RAD51B: variants seen among roughly 807,000 people sequenced by gnomAD.
The protein encoded by RAD51B is DNA repair protein RAD51 homolog 2.
A neutral mutation model predicts 42.2 loss-of-function variants in RAD51B; 38 were observed. The ratio of observed to expected loss-of-function variants is 0.90; its 90% CI spans 0.70 to 1.18. The LOEUF (loss-of-function observed/expected upper bound fraction) is 1.18, where lower values mean the gene tolerates loss of function less well. Among genes scored for constraint, RAD51B ranks in the 50% most tolerant of loss-of-function variants. The pLI is 0.00. For synonymous variants in RAD51B, 154 were observed against 145.2 expected, an observed-to-expected ratio of 1.06 and a Z score of -0.43; for missense variants, 373 against 400.7, an observed-to-expected ratio of 0.93 and a Z score of 0.59.
intron 10 of RAD51B, among the ~76,000 whole-genome samples, chr14:68,506,248 C>A (rs1219306006): frequency 1.3e-5 from 2 of 152,232 alleles, no homozygotes; most frequent in Non-Finnish European, 2.9e-5. Context: ...ATAAAGAAAT[C>A]TCTGAACAAT....
chr14:67,891,105 A>C (rs563109756), intron 7 of RAD51B, among the ~76,000 whole-genome samples: 1 of 152,220 alleles, frequency 6.6e-6, no homozygotes, highest in South Asian at 2.1e-4. Context: ...TATGAATAAT[A>C]TTGAACTTTT....
rs540771609 is a variant in RAD51B, at chr14:68,199,387, C to G, written c.757-92497C>G. On this transcript the variant is annotated intron_variant, in intron 7 of 10. Transcript: ENST00000471583. ...CCCCTAGATCTTTTTCACATGAACT[C>G]TTATTCAGACTGCTCATTCTTTCAT... Among the ~76,000 whole-genome samples, 3 of 152,332 alleles carry G rather than the reference C, an allele frequency of 2.0e-5. No individual in the cohort carries two copies. In the South Asian group the frequency reaches 6.2e-4, roughly 32 times the overall value.
chr14:67,967,130 C>T (rs1240398161), intron 7 of RAD51B, among the ~76,000 whole-genome samples: 1 of 152,158 alleles, frequency 6.6e-6, no homozygotes, highest in African/African-American at 2.4e-5. Context: ...GTGGAAACCC[C>T]TGATAAAACC....
chr14:68,334,714 A>G (rs751176671), intron 8 of RAD51B, among the ~76,000 whole-genome samples: 67 of 152,054 alleles, frequency 4.4e-4, no homozygotes, highest in Non-Finnish European at 6.8e-4. Context: ...TGCTTCCATA[A>G]CATGGTAGCA....
intron 10 of RAD51B, among the ~76,000 whole-genome samples, chr14:68,518,269 A>G (rs1886300273): frequency 6.6e-6 from 1 of 152,184 alleles, no homozygotes; most frequent in Non-Finnish European, 1.5e-5. Flanking sequence ...CTAGGCTTAC[A>G]CATCCTCTCA....
downstream of RAD51B, among the ~76,000 whole-genome samples, chr14:68,596,254 G>A (rs1056063576): frequency 6.6e-5 from 10 of 151,962 alleles, no homozygotes; most frequent in South Asian, 8.3e-4. Context: ...GGAATTAATC[G>A]TACCCAAACT....
intron 4 of RAD51B, among the ~76,000 whole-genome samples, chr14:67,855,091 G>A (rs562067280): frequency 3.0e-4 from 46 of 152,120 alleles, no homozygotes; most frequent in Non-Finnish European, 6.2e-4. Flanking sequence ...GTAGAGATGG[G>A]GTTTCACCAT....
In RAD51B at chr14:68,423,587, A is replaced by G. The variant is rs142319081; in HGVS notation, c.957+12060A>G. On this transcript the variant is annotated intron_variant, in intron 9 of 10. Coordinates refer to ENST00000471583, the MANE Select transcript of RAD51B (RefSeq NM_133510.4). ...CTTTTCCTTTGCCTCTCCCTCCCCC[A>G]TCACATACATACACTCCCTCTTTTA... 8.5e-5 allele frequency among the ~76,000 whole-genome samples: 13 copies of G among 152,298 alleles called. No homozygotes were observed. In the East Asian group the frequency reaches 2.3e-3, roughly 27 times the overall value.
At chr14:68,229,379 A>G (rs1045873537) in intron 7 of RAD51B, among the ~76,000 whole-genome samples, 7 of 152,178 alleles carry the variant, frequency 4.6e-5, no homozygotes, top group Non-Finnish European at 8.8e-5. Flanking sequence ...TCTTTCCTAG[A>G]GGGCCCTTTG....
intron 8 of RAD51B, among the ~76,000 whole-genome samples, chr14:68,385,143 G>C (rs1186649385): frequency 3.3e-5 from 5 of 152,042 alleles, no homozygotes; most frequent in African/African-American, 1.2e-4. Flanking sequence ...CTTGGTCCAG[G>C]TCTCGGGGGA....
downstream of RAD51B, among the ~76,000 whole-genome samples, chr14:68,613,274 C>T (rs956438190): frequency 6.6e-6 from 1 of 151,982 alleles, no homozygotes; most frequent in Non-Finnish European, 1.5e-5. Context: ...AACAATTAGC[C>T]AGGCATGGTG....
chr14:68,586,740 C>T (rs1231926977), intron 10 of RAD51B, among the ~76,000 whole-genome samples: 1 of 152,230 alleles, frequency 6.6e-6, no homozygotes, highest in African/African-American at 2.4e-5. Context: ...TGCGGTGTTT[C>T]ACCCCTGTAA....
intron 8 of RAD51B, among the ~76,000 whole-genome samples, chr14:68,399,709 A>G (rs1298186996): frequency 1.3e-5 from 2 of 152,196 alleles, no homozygotes; most frequent in Non-Finnish European, 2.9e-5. Context: ...ATCCCCAAAT[A>G]CTTCAGCATT....
At chr14:68,175,604 T>C (rs536322817) in intron 7 of RAD51B, among the ~76,000 whole-genome samples, 1 of 152,364 alleles carries the variant, frequency 6.6e-6, no homozygotes, top group African/African-American at 2.4e-5. Context: ...AGTGTGCCCA[T>C]GTCTCACTGG....
intron 7 of RAD51B, among the ~76,000 whole-genome samples, chr14:68,268,946 G>A (rs1171434847): frequency 6.6e-6 from 1 of 152,144 alleles, no homozygotes; most frequent in Non-Finnish European, 1.5e-5. Context: ...AACTATAGCA[G>A]CCACAGTGTG....
At chr14:68,146,199 T>A (rs978299873) in intron 7 of RAD51B, among the ~76,000 whole-genome samples, 2 of 152,120 alleles carry the variant, frequency 1.3e-5, no homozygotes, top group African/African-American at 4.8e-5. Context: ...CCTATAATCC[T>A]AGCGCTTTGG....
At chr14:67,989,635 C>CAAAAAAAAAAAAAA (rs764608072) in intron 7 of RAD51B, among the ~76,000 whole-genome samples, 4 of 66,888 alleles carry the variant, frequency 6.0e-5, no homozygotes, top group East Asian at 4.4e-4. Context: ...AACTCTGTCT[C>CAAAAAAAAAAAAAA]AAAAAAAAAA....
chr14:67,893,505 C>CAA (rs766502467), intron 7 of RAD51B, among the ~76,000 whole-genome samples: 77 of 100,190 alleles, frequency 7.7e-4, no homozygotes, highest in African/African-American at 3.6e-3. Context: ...CACACACACA[C>CAA]ACACAAAAAA....
rs965183883 is a variant in RAD51B, at chr14:67,929,185, G to A, written c.756+41981G>A. Reference sequence around the variant, plus strand: ...GTTTTTTGAGGTGCATGGTTAGATTGTTCATTTGAAATCTTTCTGTTTTTC... The same window carrying A: ...GTTTTTTGAGGTGCATGGTTAGATTATTCATTTGAAATCTTTCTGTTTTTC... On this transcript the variant is annotated intron_variant, in intron 7 of 10. Transcript: ENST00000471583. 3.9e-5 allele frequency among the ~76,000 whole-genome samples: 6 copies of A among 151,980 alleles called. No homozygotes were observed. In the South Asian group the frequency reaches 1.2e-3, roughly 32 times the overall value.
Sources: allele counts gnomAD v4.1 joint callset (sites outside exome capture counted in the v4.1 genomes callset), GRCh38; gene constraint gnomAD v4.1.1; transcripts MANE v1.5; gene names NCBI Gene and HGNC (gene_info 2026-07-23, HGNC 2026-07-21).